Variants in ZNF589 observed in about 807,000 individuals in gnomAD.
ZNF589 encodes the protein zinc finger protein 589, also known as KRAB-zinc finger protein SZF1-1.
ZNF589 carries 17 observed loss-of-function variants against 13.6 expected under a neutral mutation model. The ratio of observed to expected loss-of-function variants is 1.25; its 90% confidence interval spans 0.86 to 1.88. The LOEUF (loss-of-function observed/expected upper bound fraction) is 1.88. ZNF589 is among the 40% of genes most tolerant of loss of function. The pLI, the probability that ZNF589 is intolerant of heterozygous loss-of-function variation, is 0.00. For synonymous variants in ZNF589, 148 were observed against 161.6 expected (o/e 0.92, Z 0.64); for missense variants, 407 against 434.0 (o/e 0.94, Z 0.55).
chr3:48,243,674 G>A (rs2033728055), intron 1 of ZNF589, among the ~76,000 whole-genome samples: 1 of 152,026 alleles, frequency 6.6e-6, no homozygotes, highest in African/African-American at 2.4e-5. Flanking sequence ...AGCTGGGCTT[G>A]GTGGTGCGCG....
At chr3:48,242,584 G>A (rs1011688743) in intron 1 of ZNF589, among the ~76,000 whole-genome samples, 7 of 152,024 alleles carry the variant, frequency 4.6e-5, no homozygotes, top group South Asian at 2.1e-4. Context: ...GATTATAGGC[G>A]TGAGCCACTG....
At chr3:48,251,111 T>C (rs570390885) in intron 2 of ZNF589, among the ~76,000 whole-genome samples, 11 of 152,302 alleles carry the variant, frequency 7.2e-5, no homozygotes, top group Non-Finnish European at 1.5e-4. Flanking sequence ...TCCCTGTGAA[T>C]CTTAATGGTG....
intron 2 of ZNF589, chr3:48,256,895 G>A (rs1484887865): frequency 1.1e-5 from 9 of 840,554 alleles, no homozygotes; most frequent in East Asian, 5.8e-5. Flanking sequence ...GAGCCCACAC[G>A]GAAGCTGCCC....
chr3:48,267,966 G>A lies in ZNF589; in HGVS notation c.275G>A (p.Gly92Asp), dbSNP rs1336806100. ...HTCPSCPLAF[G>D]SQQFLSQDEL... ...TGCCCTTCTTGCCCTCTGGCCTTTG[G>A]CAGTCAGCAGTTCCTCAGCCAAGAT... Residue 92 changes from glycine (G) to aspartate (D), a missense_variant, in exon 4 of 4, where the codon GGC becomes GAC. Physicochemically the swap from Gly to Asp is moderately conservative, Grantham distance 94. Coordinates refer to ENST00000354698, the MANE Select transcript of ZNF589 (RefSeq NM_016089.3). The A allele has an allele frequency of 2.5e-6, 4 of 1,613,514 alleles. No homozygotes were observed. The African/African-American group carries it at 4.0e-5, about 16-fold the overall frequency.
intron 2 of ZNF589, chr3:48,256,701 TG>T (rs1452815872): frequency 2.0e-6 from 3 of 1,516,708 alleles, no homozygotes; most frequent in Non-Finnish European, 2.7e-6. Flanking sequence ...TAGTTTTACT[TG>T]TGGTTCAGGT....
At chr3:48,251,863 C>T (rs776405717) in intron 2 of ZNF589, among the ~76,000 whole-genome samples, 7 of 151,768 alleles carry the variant, frequency 4.6e-5, no homozygotes, top group Non-Finnish European at 8.8e-5. Context: ...GGCAACGTGG[C>T]GAAACCTCAT....
chr3:48,266,458 A>T (rs2034019539), intron 3 of ZNF589, among the ~76,000 whole-genome samples: 1 of 152,194 alleles, frequency 6.6e-6, no homozygotes, highest in South Asian at 2.1e-4. Flanking sequence ...ATCCAGAAGA[A>T]ATGAAGCCCT....
intron 1 of ZNF589, among the ~76,000 whole-genome samples, chr3:48,246,110 C>T (rs778929076): frequency 1.2e-4 from 18 of 152,102 alleles, no homozygotes; most frequent in Non-Finnish European, 1.8e-4. Flanking sequence ...GTCGGGAGTT[C>T]GAGACCAGCC....
chr3:48,263,048 A>G (rs2033983073), intron 3 of ZNF589, among the ~76,000 whole-genome samples: 1 of 152,236 alleles, frequency 6.6e-6, no homozygotes, highest in Non-Finnish European at 1.5e-5. Flanking sequence ...TATGTCTCAT[A>G]ATGTAGCCTT....
chr3:48,259,225 G>T (rs2033941854), intron 2 of ZNF589, among the ~76,000 whole-genome samples: 2 of 152,194 alleles, frequency 1.3e-5, no homozygotes, highest in Admixed American at 1.3e-4. Flanking sequence ...GGCTATAGAT[G>T]TGACATCCCT....
intron 2 of ZNF589, among the ~76,000 whole-genome samples, chr3:48,254,283 G>A (rs115121940): frequency 2.0e-5 from 3 of 152,048 alleles, no homozygotes; most frequent in African/African-American, 4.8e-5. Context: ...AAAATCAGTC[G>A]ATGTTTGTGT....
chr3:48,251,123 C>G (rs2033833655), intron 2 of ZNF589, among the ~76,000 whole-genome samples: 1 of 152,136 alleles, frequency 6.6e-6, no homozygotes, highest in Non-Finnish European at 1.5e-5. Flanking sequence ...TTAATGGTGA[C>G]TTGATGAATA....
At chr3:48,257,633 CTT>C (rs1298339929) in intron 2 of ZNF589, among the ~76,000 whole-genome samples, 2 of 151,954 alleles carry the variant, frequency 1.3e-5, no homozygotes, top group East Asian at 1.9e-4. Context: ...TCTAAGAACT[CTT>C]TGCCAAGCAC....
chr3:48,269,359 T>G lies in ZNF589; in HGVS notation c.*573T>G, dbSNP rs1298801412. 3 of 954,372 alleles carry G rather than the reference T, an allele frequency of 3.1e-6. No homozygotes were observed. Among genetic ancestry groups the G allele is most frequent in the Non-Finnish European group, 4.6e-6 (3 of 645,752 alleles). The allele number at this position is 954,372 out of a possible 1,614,324, so 59.1% of individuals were successfully genotyped here. On this transcript the variant is annotated 3_prime_UTR_variant, in exon 4 of 4. Coordinates refer to ENST00000354698, the MANE Select transcript of ZNF589 (RefSeq NM_016089.3). ...GTACACACTCCAAGGAAAAACCTTA[T>G]GTGTGCAGCCAGTGTGGGCGAGGCT...
At chr3:48,258,075 T>A (rs2033929201) in intron 2 of ZNF589, 2 of 298,860 alleles carry the variant, frequency 6.7e-6, no homozygotes, top group South Asian at 5.9e-5. Flanking sequence ...TGGTTGGGAT[T>A]TTGATGGGAA....
rs572502684 is a variant in ZNF589, at chr3:48,269,482, A to G, written c.*696A>G. 5.1e-6 allele frequency: 2 copies of G among 395,870 alleles called. No homozygotes were observed. Among genetic ancestry groups the G allele is most frequent in the Admixed American group, 3.6e-5 (1 of 27,772 alleles). 24.5% of individuals were successfully genotyped at this position (395,870 alleles called of 1,614,324 possible). On this transcript the variant is annotated 3_prime_UTR_variant, in exon 4 of 4. Transcript: ENST00000354698. ...GTGGGCGGGGATTTGGCCGGAAGAT[A>G]CTCCTCAACAGACACTGGAGGACAC...
In ZNF589 at chr3:48,247,659, A is replaced by G; in HGVS notation, c.78A>G (p.Glu26=). 1 of 1,613,230 alleles carries G rather than the reference A, an allele frequency of 6.2e-7. No homozygotes were observed. The highest frequency in any genetic ancestry group is 1.3e-5 in the African/African-American group (1 of 75,050). ...CCAAGGATTCTGCCTGGCCCTGGGA[A>G]GAGAAGCCTAGATATCTGGTGAGTT... ...LPAKDSAWPW[E]EKPRYLGPVT... is the part of the protein sequence containing the mutation. Residue 26 remains glutamate (E), a synonymous_variant, in exon 2 of 4, where the codon GAA becomes GAG. Transcript: ENST00000354698.
intron 2 of ZNF589, among the ~76,000 whole-genome samples, chr3:48,259,101 C>T (rs1301041679): frequency 6.6e-6 from 1 of 152,172 alleles, no homozygotes; most frequent in African/African-American, 2.4e-5. Flanking sequence ...GGACAGCAGC[C>T]CACACCACTG....
In ZNF589 at chr3:48,268,610, A is replaced by G. The variant is rs2034051071; in HGVS notation, c.919A>G (p.Ser307Gly). The change falls in exon 4 of 4, where the codon AGC (serine) becomes GGC (glycine). Residue 307 changes from serine to glycine, a missense_variant. Ser to Gly is a moderately conservative substitution (Grantham distance 56, BLOSUM62 0). Transcript: ENST00000354698. ...THSGEKPYVC[S>G]HCGRGFSCKP... is the part of the protein sequence containing the mutation. Reference sequence around the variant, plus strand: ...CTCCGGGGAGAAACCTTATGTGTGCAGCCATTGTGGGCGAGGCTTTAGCTG... The same window carrying G: ...CTCCGGGGAGAAACCTTATGTGTGCGGCCATTGTGGGCGAGGCTTTAGCTG... 1 of 1,613,728 alleles carries G rather than the reference A, an allele frequency of 6.2e-7. No homozygotes were observed. Among genetic ancestry groups the G allele is most frequent in the Non-Finnish European group, 8.5e-7 (1 of 1,179,988 alleles).
Sources: gnomAD v4.1 joint callset for allele counts (sites outside exome capture counted in the v4.1 genomes callset) on GRCh38, gnomAD v4.1.1 for gene constraint, MANE v1.5 for transcripts, NCBI Gene and HGNC (gene_info 2026-07-23, HGNC 2026-07-21) for gene names.